OGA: variants seen among roughly 807,000 people sequenced by gnomAD.
The protein encoded by OGA is protein O-GlcNAcase.
A neutral mutation model predicts 102.0 loss-of-function variants in OGA; 21 were observed. That is an observed-to-expected ratio of 0.21 (90% CI 0.15 to 0.30). OGA has a LOEUF of 0.30. Ranked by LOEUF, OGA falls within the 10% of genes least tolerant of loss-of-function variation. The pLI is 1.00. For missense variants in OGA, 765 were observed against 1,107.8 expected (o/e 0.69, Z 4.39); for synonymous variants, 408 against 378.2 (o/e 1.08, Z -0.91).
At chr10:101,798,776 C>T in intron 9 of OGA, 66 bp downstream of exon 9, 9 of 1,529,106 alleles carry the variant, frequency 5.9e-6, no homozygotes, top group Non-Finnish European at 7.9e-6. Context: ...ATTTAAGAAC[C>T]TTTTCCACAT....
chr10:101,800,381 A>G lies in OGA; in HGVS notation c.1056T>C (p.Thr352=), dbSNP rs1386508964. ...TTTCTAATTTTATCTGGATGGACAC[A>G]GTACTATCTTCACTGTCAGCTGCAA... ...DVVMTDSEDS[T]VSIQIKLENE... is the part of the protein sequence containing the mutation. The change falls in exon 8 of 16, where the codon ACT becomes ACC. Residue 352 remains threonine (T), a synonymous_variant. Transcript: ENST00000361464. The G allele has an allele frequency of 1.9e-6, 3 of 1,610,660 alleles. No individual in the cohort carries two copies. The highest frequency in any genetic ancestry group is 2.5e-6 in the Non-Finnish European group (3 of 1,178,818).
At chr10:101,794,134 T>G in intron 10 of OGA, 136 bp from the exon 11 acceptor site, 2 of 550,120 alleles carry the variant, frequency 3.6e-6, no homozygotes, top group Non-Finnish European at 6.6e-6. Context: ...AAGGCTATGA[T>G]AATAATTATT....
Position 101,806,034 on chromosome 10 carries a change from A to G in OGA, c.751+11T>C, listed in dbSNP as rs768930263. On this transcript the variant is annotated intron_variant, in intron 6 of 15. Transcript: ENST00000361464. ...ATTCAACTTTGACTGTATAAATCTTAAAAGACTTACCTGTCCAAAGCACTT... is the reference window on the plus strand; with the variant it reads ...ATTCAACTTTGACTGTATAAATCTTGAAAGACTTACCTGTCCAAAGCACTT... The G allele has an allele frequency of 6.4e-7, 1 of 1,560,906 alleles. No homozygotes were observed. Among genetic ancestry groups the G allele is most frequent in the Non-Finnish European group, 8.8e-7 (1 of 1,131,972 alleles).
rs371653839 is a variant in OGA at position 101,807,799 on chromosome 10, G to A, written c.583C>T (p.Gln195Ter). ...KEVFSSFAHA[Q>*]VSITNEIYQY... ...TAGATTTCATTTGTGATGGAGACTT[G>A]GGCATGAGCAAAAGAACTGAATACC... The change falls in exon 5 of 16, where the codon CAA (glutamine) becomes TAA (stop). Residue 195 changes from glutamine (Q) to a stop codon, truncating the protein, a stop_gained. Coordinates refer to ENST00000361464, the MANE Select transcript of OGA (RefSeq NM_012215.5). LOFTEE classifies it high-confidence loss of function. 1 of 1,611,754 alleles carries A rather than the reference G, an allele frequency of 6.2e-7. No homozygotes were observed. Among genetic ancestry groups the A allele is most frequent in the Non-Finnish European group, 8.5e-7 (1 of 1,179,014 alleles).
intron 1 of OGA, among the ~76,000 whole-genome samples, chr10:101,814,747 T>A (rs1268219980): frequency 1.3e-5 from 2 of 152,226 alleles, no homozygotes; most frequent in South Asian, 4.1e-4. Context: ...AATTCAAGAA[T>A]ATTACTTCTG....
chr10:101,817,500 T>G (rs530745146), intron 1 of OGA, among the ~76,000 whole-genome samples: 1 of 152,208 alleles, frequency 6.6e-6, no homozygotes, highest in East Asian at 1.9e-4. Context: ...CCCTAGGGAA[T>G]AAGATCCCAA....
At chr10:101,791,578 G>A in intron 12 of OGA, 139 bp from the exon 13 acceptor site, 1 of 627,916 alleles carries the variant, frequency 1.6e-6, no homozygotes, top group Non-Finnish European at 2.8e-6. Flanking sequence ...CCTCTTCTTT[G>A]TAAAATAAAG....
chr10:101,806,491 G>T lies in OGA; in HGVS notation c.653-348C>A, dbSNP rs570449560. ...AAAAGGCCCATGGGTTTTTGAATGT[G>T]GAAAAAATGTCTGCCAATTCTAAAT... On this transcript the variant is annotated intron_variant, in intron 5 of 15. Transcript: ENST00000361464. Among the ~76,000 whole-genome samples, 177 of 152,212 alleles carry T rather than the reference G, an allele frequency of 1.2e-3. 1 individual carries two copies. Among genetic ancestry groups the T allele is most frequent in the African/African-American group, 3.9e-3 (164 of 41,544 alleles).
chr10:101,785,544 G>C lies in OGA; in HGVS notation c.*907C>G, dbSNP rs750906190. On this transcript the variant is annotated 3_prime_UTR_variant, in exon 16 of 16. Transcript: ENST00000361464. ...CAACAGATTAAGTCCTACAAAATTA[G>C]GCTCTCGTACCCCAAATGGTCATGG... 6.6e-6 allele frequency: 1 copy of C among 152,584 alleles called. No individual in the cohort carries two copies. Among genetic ancestry groups the C allele is most frequent in the Non-Finnish European group, 1.5e-5 (1 of 68,034 alleles). 9.5% of individuals were successfully genotyped at this position (152,584 alleles called of 1,614,324 possible). A position where few individuals can be genotyped will look rare whatever the true frequency, so the allele number is the denominator to read the frequency against.
chr10:101,810,671 T>C (rs2135088611), intron 3 of OGA, among the ~76,000 whole-genome samples: 1 of 152,322 alleles, frequency 6.6e-6, no homozygotes, highest in Admixed American at 6.5e-5. Context: ...AAACACTGAA[T>C]TGTCAATTCT....
intron 10 of OGA, chr10:101,797,233 T>TAA (rs1046013086): frequency 6.6e-6 from 1 of 152,160 alleles, no homozygotes; most frequent in Non-Finnish European, 1.5e-5. Context: ...GTGCTGTATA[T>TAA]AAGTCCATTA....
chr10:101,800,058 G>A (rs2065369422), intron 8 of OGA, among the ~76,000 whole-genome samples, 184 bp downstream of exon 8: 1 of 151,984 alleles, frequency 6.6e-6, no homozygotes, highest in African/African-American at 2.4e-5. Flanking sequence ...TTTTTAGTAG[G>A]GACAAGGTTT....
At chr10:101,801,652 T>C (rs991919266) in intron 7 of OGA, among the ~76,000 whole-genome samples, 2 of 152,212 alleles carry the variant, frequency 1.3e-5, no homozygotes, top group African/African-American at 4.8e-5. Context: ...CTGACAGCAT[T>C]TAAATTATAT....
At chr10:101,804,719 T>C (rs1243992027) in intron 6 of OGA, among the ~76,000 whole-genome samples, 2 of 152,038 alleles carry the variant, frequency 1.3e-5, no homozygotes, top group Non-Finnish European at 2.9e-5. Flanking sequence ...GCCTCCCAAG[T>C]AGCTGGGACT....
At chr10:101,786,989 C>T (rs983826839) in intron 15 of OGA, among the ~76,000 whole-genome samples, 4 of 152,068 alleles carry the variant, frequency 2.6e-5, no homozygotes, top group African/African-American at 7.2e-5. Context: ...CCTCATGATC[C>T]GCCCACTTCG....
intron 9 of OGA, among the ~76,000 whole-genome samples, chr10:101,798,408 C>CTTTTTTTTTT (rs1047325578): frequency 7.5e-6 from 1 of 133,020 alleles, no homozygotes; most frequent in Non-Finnish European, 1.6e-5. Context: ...AAAGAACATA[C>CTTTTTTTTTT]TTTTTTTTTT....
chr10:101,790,759 AAAATT>A (rs1248479875), intron 14 of OGA, 132 bp downstream of exon 14: 3 of 606,854 alleles, frequency 4.9e-6, no homozygotes, highest in Admixed American at 4.2e-5. Context: ...TTTCTGCAAG[AAAATT>A]AATTTAGAAA....
intron 1 of OGA, among the ~76,000 whole-genome samples, chr10:101,817,525 G>C (rs1332409395): frequency 6.6e-6 from 1 of 152,096 alleles, no homozygotes; most frequent in Non-Finnish European, 1.5e-5. Context: ...CAAAGAAGTA[G>C]AACTCAGAGG....
intron 9 of OGA, among the ~76,000 whole-genome samples, 193 bp downstream of exon 9, chr10:101,798,649 G>A (rs1165969645): frequency 6.6e-6 from 1 of 151,964 alleles, no homozygotes; most frequent in Non-Finnish European, 1.5e-5. Flanking sequence ...CCTGACCTCA[G>A]GTGATCTGCC....
Sources: gnomAD v4.1 joint callset for allele counts (sites outside exome capture counted in the v4.1 genomes callset) on GRCh38, gnomAD v4.1.1 for gene constraint, MANE v1.5 for transcripts, NCBI Gene and HGNC (gene_info 2026-07-23, HGNC 2026-07-21) for gene names.